The following RIMS1 variants were observed in gnomAD, a reference collection of about 807,000 sequenced individuals.
RIMS1 encodes the protein regulating synaptic membrane exocytosis protein 1.
A neutral mutation model predicts 214.1 loss-of-function variants in RIMS1; 83 were observed. The ratio of observed to expected loss-of-function variants is 0.39; its 90% CI spans 0.32 to 0.47. The LOEUF (loss-of-function observed/expected upper bound fraction) is 0.47, where lower values mean the gene tolerates loss of function less well. Among genes scored for constraint, RIMS1 ranks in the 20% least tolerant of loss-of-function variants. RIMS1 has a pLI of 0.99. For synonymous variants in RIMS1, 793 were observed against 786.8 expected, an observed-to-expected ratio of 1.01 and a Z score of -0.13; for missense variants, 2,050 against 2,161.8, an observed-to-expected ratio of 0.95 and a Z score of 1.03.
At chr6:72,320,443 T>G (rs978996201) in intron 28 of RIMS1, among the ~76,000 whole-genome samples, 3 of 152,124 alleles carry the variant, frequency 2.0e-5, no homozygotes, top group Non-Finnish European at 4.4e-5. Context: ...AACCAAAATA[T>G]ATGGCACAGT....
At chr6:72,171,860 A>T (rs1344730415) in intron 4 of RIMS1, among the ~76,000 whole-genome samples, 1 of 152,228 alleles carries the variant, frequency 6.6e-6, no homozygotes. Context: ...CTGAGAGATC[A>T]AGAAAGACAA....
chr6:72,296,307 A>G (rs1403629799), intron 26 of RIMS1, among the ~76,000 whole-genome samples: 2 of 151,958 alleles, frequency 1.3e-5, no homozygotes, highest in Non-Finnish European at 2.9e-5. Context: ...GCTCTCATAG[A>G]TAAAAGATTT....
chr6:71,954,008 C>G (rs1790433705), intron 1 of RIMS1, among the ~76,000 whole-genome samples: 4 of 152,066 alleles, frequency 2.6e-5, no homozygotes, highest in Non-Finnish European at 5.9e-5. Flanking sequence ...ACTTATTTAT[C>G]TAATTTTTAA....
chr6:72,315,747 G>A (rs1005183043), intron 28 of RIMS1, among the ~76,000 whole-genome samples: 4 of 151,872 alleles, frequency 2.6e-5, no homozygotes, highest in Middle Eastern at 3.4e-3. Context: ...TGCTTCCCTC[G>A]TCAATCCTGT....
chr6:71,969,162 C>G (rs1406478296), intron 2 of RIMS1, 99 bp downstream of exon 2: 7 of 1,152,274 alleles, frequency 6.1e-6, no homozygotes, highest in Non-Finnish European at 7.9e-6. Context: ...GATACTCTGG[C>G]TGCTCTTGTA....
intron 16 of RIMS1, among the ~76,000 whole-genome samples, chr6:72,253,630 A>C (rs2074438112): frequency 6.6e-6 from 1 of 152,182 alleles, no homozygotes. Flanking sequence ...GCAGTTTTTA[A>C]AGACAGTATA....
In RIMS1 at chr6:72,224,010, A is replaced by G. The variant is rs373213664; in HGVS notation, c.1679-9763A>G. On this transcript the variant is annotated intron_variant, in intron 6 of 33. Coordinates refer to ENST00000521978, the MANE Select transcript of RIMS1 (RefSeq NM_014989.7). ...ACTAATTATTCCTGATACCAACACC[A>G]AAAGAAAGTTTCTTTTCTGTTATTT... Among the ~76,000 whole-genome samples the G allele has an allele frequency of 4.6e-5, 7 of 151,794 alleles. No homozygotes were observed. The East Asian group carries it at 5.8e-4, about 13-fold the overall frequency.
intron 2 of RIMS1, among the ~76,000 whole-genome samples, chr6:72,022,444 C>A (rs72931424): frequency 6.6e-6 from 1 of 152,214 alleles, no homozygotes; most frequent in East Asian, 1.9e-4. Flanking sequence ...GGTGATCCAC[C>A]TTTCTAACAT....
At chr6:72,001,898 G>T (rs1805383227) in intron 2 of RIMS1, among the ~76,000 whole-genome samples, 1 of 152,094 alleles carries the variant, frequency 6.6e-6, no homozygotes. Flanking sequence ...ATAAGTAAAT[G>T]AATGAATTAT....
intron 30 of RIMS1, 33 bp from the exon 31 acceptor site, chr6:72,392,665 T>G: frequency 6.8e-7 from 1 of 1,462,274 alleles, no homozygotes; most frequent in Non-Finnish European, 9.6e-7. Flanking sequence ...TTTCATGGGT[T>G]TTTTCCTTTG....
At chr6:72,251,408 C>T in intron 15 of RIMS1, 40 bp downstream of exon 15, 6 of 1,397,208 alleles carry the variant, frequency 4.3e-6, no homozygotes, top group South Asian at 1.4e-5. Context: ...AGTAATTATG[C>T]TGTAATGATC....
At chr6:72,389,775 T>A (rs902031350) in intron 29 of RIMS1, among the ~76,000 whole-genome samples, 5 of 152,240 alleles carry the variant, frequency 3.3e-5, no homozygotes, top group Admixed American at 1.3e-4. Context: ...TGCTTATACA[T>A]GTAAGCAAGT....
At chr6:72,150,117 G>A (rs2043321324) in intron 4 of RIMS1, among the ~76,000 whole-genome samples, 1 of 151,568 alleles carries the variant, frequency 6.6e-6, no homozygotes, top group Admixed American at 6.6e-5. Context: ...AAGTCAAGTG[G>A]TTTCTCTCAG....
intron 4 of RIMS1, among the ~76,000 whole-genome samples, chr6:72,162,308 T>G (rs533786781): frequency 7.1e-6 from 1 of 140,546 alleles, no homozygotes; most frequent in African/African-American, 2.5e-5. Flanking sequence ...GTTTCCTGAA[T>G]AGAGCACACT....
chr6:72,001,354 C>G (rs1446529015), intron 2 of RIMS1, among the ~76,000 whole-genome samples: 1 of 152,156 alleles, frequency 6.6e-6, no homozygotes. Flanking sequence ...AAACGTTACT[C>G]AGACATTAGA....
chr6:71,954,359 A>AACAT (rs1172386834), intron 1 of RIMS1, among the ~76,000 whole-genome samples: 1 of 152,194 alleles, frequency 6.6e-6, no homozygotes, highest in Non-Finnish European at 1.5e-5. Flanking sequence ...ATGCTTTTTT[A>AACAT]AGATACAGTA....
At position 72,355,496 on chromosome 6, in the gene RIMS1, C is replaced by T. The variant is rs546950286; in HGVS notation, c.4366+21661C>T. On this transcript the variant is annotated intron_variant, in intron 29 of 33. Transcript: ENST00000521978. ...TTAAAATTATTGTTCCTTGATTGTT[C>T]CTTTTTTCCTTATATCCAAAAGGCG... Among the ~76,000 whole-genome samples, 6 of 151,780 alleles carry T rather than the reference C, an allele frequency of 4.0e-5. No individual in the cohort carries two copies. The East Asian group carries it at 1.2e-3, about 29-fold the overall frequency.
intron 6 of RIMS1, among the ~76,000 whole-genome samples, chr6:72,228,065 A>T (rs1012857227): frequency 6.6e-6 from 1 of 151,946 alleles, no homozygotes; most frequent in Non-Finnish European, 1.5e-5. Context: ...AGAAATATAC[A>T]CTCATAAAAC....
At chr6:72,279,801 CTT>C (rs2089117715) in intron 23 of RIMS1, among the ~76,000 whole-genome samples, 1 of 151,870 alleles carries the variant, frequency 6.6e-6, no homozygotes, top group African/African-American at 2.4e-5. Context: ...GGATGAGACA[CTT>C]AAACTTTTGT....
Sources: allele counts gnomAD v4.1 joint callset (sites outside exome capture counted in the v4.1 genomes callset), GRCh38; gene constraint gnomAD v4.1.1; transcripts MANE v1.5; gene names NCBI Gene and HGNC (gene_info 2026-07-23, HGNC 2026-07-21).